The following PLEKHA1 variants were observed in gnomAD, a reference collection of about 807,000 sequenced individuals.
PLEKHA1 encodes the protein pleckstrin homology domain-containing family A member 1.
A neutral mutation model predicts 52.0 loss-of-function variants in PLEKHA1; 34 were observed. The observed-to-expected ratio is 0.65, with a 90% CI of 0.50 to 0.87. The LOEUF (loss-of-function observed/expected upper bound fraction) is 0.87. Ranked by LOEUF, PLEKHA1 falls within the 40% of genes least tolerant of loss-of-function variation. The pLI is 0.00. For synonymous variants in PLEKHA1, 163 were observed against 170.7 expected, an observed-to-expected ratio of 0.95 and a Z score of 0.35; for missense variants, 497 against 504.2, an observed-to-expected ratio of 0.99 and a Z score of 0.14.
intron 1 of PLEKHA1, among the ~76,000 whole-genome samples, chr10:122,386,330 G>A (rs933019521): frequency 6.7e-6 from 1 of 148,880 alleles, no homozygotes; most frequent in Admixed American, 6.7e-5. Flanking sequence ...TACCATTTTC[G>A]TATTTGGTTG....
intron 1 of PLEKHA1, among the ~76,000 whole-genome samples, chr10:122,381,765 G>T (rs1200061314): frequency 2.0e-5 from 3 of 152,230 alleles, no homozygotes; most frequent in African/African-American, 7.2e-5. Context: ...ACTGGAAGAA[G>T]GGAGTGGCCC....
intron 3 of PLEKHA1, among the ~76,000 whole-genome samples, chr10:122,398,360 G>A (rs1464878069): frequency 6.6e-6 from 1 of 151,898 alleles, no homozygotes; most frequent in Admixed American, 6.6e-5. Flanking sequence ...GTTTCTTAAT[G>A]TTTTATTTTG....
intron 4 of PLEKHA1, among the ~76,000 whole-genome samples, chr10:122,405,591 A>G (rs569263338): frequency 3.6e-4 from 55 of 151,690 alleles, no homozygotes; most frequent in Admixed American, 1.6e-3. Flanking sequence ...AGCACACTAG[A>G]TATTTCAAAC....
chr10:122,403,639 C>T (rs545928222), intron 4 of PLEKHA1, among the ~76,000 whole-genome samples: 8 of 151,570 alleles, frequency 5.3e-5, no homozygotes, highest in African/African-American at 1.5e-4. Context: ...TTATTTCTTT[C>T]CCTTTCTCCC....
At chr10:122,403,560 C>A (rs1196901328) in intron 4 of PLEKHA1, among the ~76,000 whole-genome samples, 2 of 151,500 alleles carry the variant, frequency 1.3e-5, no homozygotes, top group Admixed American at 1.3e-4. Context: ...CACAATGAAA[C>A]CCTTGCTTTA....
At chr10:122,378,961 T>C (rs1445565586) in intron 1 of PLEKHA1, among the ~76,000 whole-genome samples, 1 of 152,136 alleles carries the variant, frequency 6.6e-6, no homozygotes, top group Non-Finnish European at 1.5e-5. Context: ...GATACAAATG[T>C]GTCAAGAAGA....
chr10:122,381,960 G>T (rs2096620922), intron 1 of PLEKHA1, among the ~76,000 whole-genome samples: 1 of 152,142 alleles, frequency 6.6e-6, no homozygotes, highest in South Asian at 2.1e-4. Context: ...ATTTAGGCCT[G>T]TGAGAATGAG....
chr10:122,432,958 A>C (rs10510111), downstream of PLEKHA1: 14,156 of 152,212 alleles, frequency 0.093, 778 homozygotes, highest in Middle Eastern at 0.17. Flanking sequence ...GTGTATACCT[A>C]TTTGTTAGAT....
At position 122,426,929 on chromosome 10, in the gene PLEKHA1, T is replaced by TC. The variant is rs2097347424; in HGVS notation, c.811-13_811-12insC. 1 of 1,606,990 alleles carries TC rather than the reference T, an allele frequency of 6.2e-7. No homozygotes were observed. The highest frequency in any genetic ancestry group is 8.5e-7 in the Non-Finnish European group (1 of 1,174,584). On this transcript the variant is annotated splice_polypyrimidine_tract_variant and intron_variant, in intron 10 of 11. Coordinates refer to ENST00000368990, the MANE Select transcript of PLEKHA1 (RefSeq NM_001001974.4). ...GAGAAAAAATTGTTTGAATGAGTTC[T>TC]TTTTTCCTTTAGGCTGATAGCCCTG...
chr10:122,379,877 C>T (rs11200594), intron 1 of PLEKHA1, among the ~76,000 whole-genome samples: 72,472 of 151,968 alleles, frequency 0.48, 17,903 homozygotes, highest in East Asian at 0.62. Context: ...TGTGTTTTGC[C>T]TTATTTTTTG....
chr10:122,399,564 G>A (rs1171763768), intron 3 of PLEKHA1, among the ~76,000 whole-genome samples: 1 of 148,790 alleles, frequency 6.7e-6, no homozygotes, highest in Non-Finnish European at 1.5e-5. Flanking sequence ...TAAATGCCTG[G>A]ATTTGTGGAC....
chr10:122,395,063 G>A (rs561447453), intron 2 of PLEKHA1, among the ~76,000 whole-genome samples: 2 of 152,268 alleles, frequency 1.3e-5, no homozygotes, highest in East Asian at 1.9e-4. Context: ...TTAGAAGTTT[G>A]GATATAATAT....
Position 122,424,039 on chromosome 10 carries a change from A to G in PLEKHA1, c.682-160A>G, listed in dbSNP as rs2097301067. 5 of 926,144 alleles carry G rather than the reference A, an allele frequency of 5.4e-6. No homozygotes were observed. The Admixed American group carries it at 1.2e-4, about 22-fold the overall frequency. 57.4% of individuals were successfully genotyped at this position (926,144 alleles called of 1,614,324 possible). On this transcript the variant is annotated intron_variant, in intron 8 of 11. Transcript: ENST00000368990. ...TAAGGTTATAGTGTTTGAGCTATTC[A>G]GATGCTGGATGGTTTAAGAAGGTAG...
chr10:122,410,544 A>G (rs1466301626), intron 5 of PLEKHA1, among the ~76,000 whole-genome samples: 1 of 152,200 alleles, frequency 6.6e-6, no homozygotes, highest in Non-Finnish European at 1.5e-5. Flanking sequence ...GGAGTTATCC[A>G]TGTTCATGGG....
At chr10:122,421,021 A>G (rs917711845) in intron 8 of PLEKHA1, 30 of 152,234 alleles carry the variant, frequency 2.0e-4, no homozygotes, top group African/African-American at 7.0e-4. Flanking sequence ...GTATATCTGT[A>G]TGTATGATGA....
intron 8 of PLEKHA1, chr10:122,418,594 C>G (rs2097213219): frequency 6.6e-6 from 1 of 152,082 alleles, no homozygotes; most frequent in South Asian, 2.1e-4. Context: ...GTATTTCTTT[C>G]TCTTGAGATT....
At chr10:122,429,349 A>G (rs1472066705) in intron 11 of PLEKHA1, among the ~76,000 whole-genome samples, 2 of 152,188 alleles carry the variant, frequency 1.3e-5, no homozygotes, top group East Asian at 3.9e-4. Context: ...AAAGTGTCAT[A>G]GGCTGCCAAA....
At chr10:122,416,725 T>G (rs1307197370) in intron 7 of PLEKHA1, among the ~76,000 whole-genome samples, 1 of 152,198 alleles carries the variant, frequency 6.6e-6, no homozygotes, top group Non-Finnish European at 1.5e-5. Context: ...CTATGTGAAC[T>G]AAATCTTTAG....
At chr10:122,426,038 A>G (rs759072347) in intron 10 of PLEKHA1, among the ~76,000 whole-genome samples, 1 of 152,198 alleles carries the variant, frequency 6.6e-6, no homozygotes. Context: ...TTCCACCAGT[A>G]AATTGTGTCT....
Sources: allele counts gnomAD v4.1 joint callset (sites outside exome capture counted in the v4.1 genomes callset), GRCh38; gene constraint gnomAD v4.1.1; transcripts MANE v1.5; gene names NCBI Gene and HGNC (gene_info 2026-07-23, HGNC 2026-07-21).